Variants in DIAPH3 observed in about 807,000 individuals in gnomAD.
The protein encoded by DIAPH3 is diaphanous related formin 3, also known as protein diaphanous homolog 3.
In DIAPH3, 117 loss-of-function variants were observed where a neutral mutation model predicts 144.3. The observed-to-expected ratio is 0.81, with a 90% confidence interval of 0.70 to 0.95. DIAPH3 has a LOEUF of 0.95. Among genes scored for constraint, DIAPH3 ranks in the 40% least tolerant of loss-of-function variants. The pLI is 0.00. For missense variants in DIAPH3, 1,421 were observed against 1,412.7 expected (o/e 1.01, Z -0.09); for synonymous variants, 519 against 488.9 (o/e 1.06, Z -0.81).
intron 3 of DIAPH3, among the ~76,000 whole-genome samples, chr13:60,099,563 T>C (rs148428843): frequency 1.4e-3 from 214 of 152,146 alleles, no homozygotes; most frequent in African/African-American, 4.7e-3. Context: ...AGGAAAAAGA[T>C]CAAAATTCAA....
intron 27 of DIAPH3, among the ~76,000 whole-genome samples, chr13:59,734,849 A>G (rs1177936059): frequency 4.6e-5 from 7 of 152,216 alleles, no homozygotes; most frequent in African/African-American, 1.4e-4. Context: ...TTATTTCTTG[A>G]AGTATCTAAC....
At chr13:60,074,559 C>T (rs1428088034) in intron 4 of DIAPH3, among the ~76,000 whole-genome samples, 3 of 152,188 alleles carry the variant, frequency 2.0e-5, no homozygotes. Context: ...CATAATCTCA[C>T]TACTCTTTTT....
At chr13:59,737,005 G>C (rs1308057977) in intron 27 of DIAPH3, among the ~76,000 whole-genome samples, 6 of 152,096 alleles carry the variant, frequency 3.9e-5, no homozygotes, top group Non-Finnish European at 8.8e-5. Context: ...ATTAACACGA[G>C]ATGGACTAAG....
intron 18 of DIAPH3, among the ~76,000 whole-genome samples, chr13:59,921,545 C>T (rs1160392847): frequency 6.6e-6 from 1 of 151,656 alleles, no homozygotes; most frequent in Non-Finnish European, 1.5e-5. Context: ...CAATACAATA[C>T]CTGAATAAAC....
At chr13:59,984,235 A>G (rs2051228019) in intron 12 of DIAPH3, among the ~76,000 whole-genome samples, 1 of 151,696 alleles carries the variant, frequency 6.6e-6, no homozygotes, top group African/African-American at 2.4e-5. Context: ...CCACACTGAA[A>G]TAGCTATCAT....
chr13:59,926,425 A>AT (rs1288991908), intron 17 of DIAPH3, among the ~76,000 whole-genome samples: 2 of 152,052 alleles, frequency 1.3e-5, no homozygotes, highest in African/African-American at 2.4e-5. Flanking sequence ...TTTGAAATCT[A>AT]TTTTTTATGT....
chr13:59,905,300 G>A (rs933886186), intron 20 of DIAPH3, among the ~76,000 whole-genome samples: 4 of 129,622 alleles, frequency 3.1e-5, no homozygotes, highest in South Asian at 2.5e-4. Context: ...TTGAGATCGC[G>A]CCACTGCACT....
intron 5 of DIAPH3, among the ~76,000 whole-genome samples, chr13:60,020,121 G>A (rs1404944067): frequency 6.6e-6 from 1 of 152,056 alleles, no homozygotes; most frequent in Non-Finnish European, 1.5e-5. Context: ...ATTCCAGCAT[G>A]GGATAGACTG....
chr13:59,900,125 A>G (rs1214626838), intron 20 of DIAPH3, among the ~76,000 whole-genome samples: 1 of 152,172 alleles, frequency 6.6e-6, no homozygotes, highest in Admixed American at 6.5e-5. Flanking sequence ...CTGTAATGGC[A>G]GGATTTGATA....
At chr13:59,851,213 C>T (rs9570215) in intron 22 of DIAPH3, among the ~76,000 whole-genome samples, 9,602 of 152,196 alleles carry the variant, frequency 0.063, 443 homozygotes, top group East Asian at 0.28. Flanking sequence ...GACAGTAATG[C>T]CCTACAGGAT....
rs553146452 is a variant in DIAPH3 at position 59,811,832 on chromosome 13, A to G, written c.3028-909T>C. 1.3e-4 allele frequency among the ~76,000 whole-genome samples: 20 copies of G among 151,708 alleles called. No homozygotes were observed. In the South Asian group the frequency reaches 3.3e-3, roughly 25 times the overall value. On this transcript the variant is annotated intron_variant, in intron 24 of 27. Coordinates refer to ENST00000400324, the MANE Select transcript of DIAPH3 (RefSeq NM_001042517.2). ...ATAATAACATGCTAATCATAAGAAG[A>G]TCTCAATAGATATGTGATTATTTGT...
chr13:59,941,562 C>A (rs1421912988), intron 17 of DIAPH3, among the ~76,000 whole-genome samples: 1 of 152,130 alleles, frequency 6.6e-6, no homozygotes, highest in African/African-American at 2.4e-5. Context: ...GAAGCCTCTA[C>A]CAATATGGGG....
intron 23 of DIAPH3, among the ~76,000 whole-genome samples, chr13:59,836,259 C>A (rs569603018): frequency 9.8e-4 from 149 of 151,796 alleles, no homozygotes; most frequent in African/African-American, 3.3e-3. Flanking sequence ...AAGGAACAAG[C>A]ACTACATGAC....
intron 27 of DIAPH3, among the ~76,000 whole-genome samples, chr13:59,755,703 A>T (rs2037220565): frequency 6.6e-6 from 1 of 152,174 alleles, no homozygotes. Context: ...GTTTCAAAAA[A>T]ATACAGTGCC....
At chr13:59,762,619 CTT>C (rs1034591648) in intron 27 of DIAPH3, among the ~76,000 whole-genome samples, 1 of 147,168 alleles carries the variant, frequency 6.8e-6, no homozygotes, top group Non-Finnish European at 1.5e-5. Context: ...CCTATTGCCT[CTT>C]TTTTTTTTAG....
Position 60,052,918 on chromosome 13 carries a change from G to A in DIAPH3, c.496-10098C>T, listed in dbSNP as rs1461072831. On this transcript the variant is annotated intron_variant, in intron 4 of 27. Coordinates refer to ENST00000400324, the MANE Select transcript of DIAPH3 (RefSeq NM_001042517.2). Reference sequence around the variant, plus strand: ...AGAGATTGTAGTGAGCTGAGATCGCGCCACTGCACTCCAGCCTGGTGACAG... The same window carrying A: ...AGAGATTGTAGTGAGCTGAGATCGCACCACTGCACTCCAGCCTGGTGACAG... 9.5e-4 allele frequency among the ~76,000 whole-genome samples: 115 copies of A among 121,062 alleles called. 1 individual carries two copies. Among genetic ancestry groups the A allele is most frequent in the Admixed American group, 5.3e-3 (46 of 8,718 alleles). The allele number at this position is 121,062 out of a possible 152,430, so 79.4% of individuals were successfully genotyped here.
chr13:59,916,285 T>A (rs1167426009), intron 18 of DIAPH3, 36 bp from the exon 19 acceptor site: 1 of 1,517,202 alleles, frequency 6.6e-7, no homozygotes, highest in African/African-American at 1.4e-5. Flanking sequence ...TTATAATGAA[T>A]AAGGTTTAAA....
At chr13:59,688,395 A>G (rs1427767919) in intron 27 of DIAPH3, among the ~76,000 whole-genome samples, 1 of 152,092 alleles carries the variant, frequency 6.6e-6, no homozygotes, top group Non-Finnish European at 1.5e-5. Flanking sequence ...CTGACAAAAA[A>G]ATAATAACTG....
At position 59,833,203 on chromosome 13, in the gene DIAPH3, T is replaced by C. The variant is rs747475204; in HGVS notation, c.2931A>G (p.Leu977=). The change falls in exon 24 of 28, where the codon TTA becomes TTG. Residue 977 remains leucine (L), a synonymous_variant. Transcript: ENST00000400324. ...LSKLHENMEK[L]YQSIIGYYAI... ...CATAGTATCCTATTATACTCTGGTA[T>C]AACTTTTCCATGTTTTCGTGTAACT... 27 of 1,610,366 alleles carry C rather than the reference T, an allele frequency of 1.7e-5. No individual in the cohort carries two copies. The highest frequency in any genetic ancestry group is 2.1e-5 in the Non-Finnish European group (25 of 1,177,784).
Sources: allele counts gnomAD v4.1 joint callset (sites outside exome capture counted in the v4.1 genomes callset), GRCh38; gene constraint gnomAD v4.1.1; transcripts MANE v1.5; gene names NCBI Gene and HGNC (gene_info 2026-07-23, HGNC 2026-07-21).